The following PTCHD4 variants were observed in gnomAD, a reference collection of about 807,000 sequenced individuals.
PTCHD4 encodes the protein patched domain containing 4, also known as patched domain-containing protein 4.
A neutral mutation model predicts 58.1 loss-of-function variants in PTCHD4; 33 were observed. The ratio of observed to expected loss-of-function variants is 0.57; its 90% CI spans 0.43 to 0.76. The LOEUF (loss-of-function observed/expected upper bound fraction) is 0.76, where lower values mean the gene tolerates loss of function less well. Among genes scored for constraint, PTCHD4 ranks in the 30% least tolerant of loss-of-function variants. The pLI is 0.00. For missense variants in PTCHD4, 1,058 were observed against 1,027.1 expected (o/e 1.03, Z -0.41); for synonymous variants, 478 against 409.6 (o/e 1.17, Z -2.02).
At chr6:48,094,301 G>A (rs760813949) in intron 1 of PTCHD4, among the ~76,000 whole-genome samples, 2 of 152,156 alleles carry the variant, frequency 1.3e-5, no homozygotes, top group African/African-American at 4.8e-5. Context: ...ATAATGCGAG[G>A]AAATGAAGAT....
rs1763408503 is a variant in PTCHD4 at position 47,860,795 on chromosome 6, T to C, written c.*17508A>G. Among the ~76,000 whole-genome samples the C allele has an allele frequency of 6.6e-6, 1 of 152,026 alleles. No homozygotes were observed. Among genetic ancestry groups the C allele is most frequent in the Admixed American group, 6.6e-5 (1 of 15,246 alleles). ...CACTCATTGCTTGGGATTTATCTACTTAAGCAAAGCAATTAGGTTACAAAT... is the reference window on the plus strand; with the variant it reads ...CACTCATTGCTTGGGATTTATCTACCTAAGCAAAGCAATTAGGTTACAAAT... On this transcript the variant is annotated 3_prime_UTR_variant, in exon 5 of 5. Coordinates refer to ENST00000339488, the MANE Select transcript of PTCHD4 (RefSeq NM_001384253.1).
chr6:47,966,172 A>G (rs961488273), intron 4 of PTCHD4, among the ~76,000 whole-genome samples: 3 of 152,204 alleles, frequency 2.0e-5, no homozygotes, highest in African/African-American at 7.2e-5. Context: ...TTGGTCATAC[A>G]GGCATACTTT....
At chr6:47,968,358 C>A (rs951258470) in intron 4 of PTCHD4, among the ~76,000 whole-genome samples, 3 of 152,066 alleles carry the variant, frequency 2.0e-5, no homozygotes, top group Non-Finnish European at 4.4e-5. Flanking sequence ...CAAATCACCA[C>A]AACAGATATA....
At chr6:47,948,824 T>C (rs1766514551) in intron 4 of PTCHD4, among the ~76,000 whole-genome samples, 1 of 152,180 alleles carries the variant, frequency 6.6e-6, no homozygotes, top group Non-Finnish European at 1.5e-5. Flanking sequence ...TGCTTAGTCC[T>C]AGAACTTTAT....
At chr6:48,100,277 G>A (rs552052592) in intron 1 of PTCHD4, among the ~76,000 whole-genome samples, 5 of 152,258 alleles carry the variant, frequency 3.3e-5, no homozygotes, top group African/African-American at 7.2e-5. Flanking sequence ...TTTAATGTAA[G>A]TCACTAAGAT....
At chr6:47,893,213 G>A (rs1764433067) in intron 4 of PTCHD4, among the ~76,000 whole-genome samples, 2 of 152,074 alleles carry the variant, frequency 1.3e-5, no homozygotes, top group African/African-American at 4.8e-5. Context: ...GTTTCACCAT[G>A]TTGACCAGGA....
intron 4 of PTCHD4, among the ~76,000 whole-genome samples, chr6:47,920,823 C>G (rs758095894): frequency 6.6e-6 from 1 of 152,076 alleles, no homozygotes; most frequent in Non-Finnish European, 1.5e-5. Flanking sequence ...AGAATGATGG[C>G]TGCCACCCAA....
At chr6:48,031,638 G>A (rs747682235) in intron 3 of PTCHD4, among the ~76,000 whole-genome samples, 6 of 152,024 alleles carry the variant, frequency 3.9e-5, no homozygotes, top group South Asian at 4.1e-4. Context: ...AAACACATTC[G>A]GGAAAATTCA....
At position 47,969,412 on chromosome 6, in the gene PTCHD4, C is replaced by T. The variant is rs113119872; in HGVS notation, c.898+39222G>A. Among the ~76,000 whole-genome samples, 1,294 of 152,298 alleles carry T rather than the reference C, an allele frequency of 8.5e-3. 13 individuals carry two copies. The highest frequency in any genetic ancestry group is 0.034 in the South Asian group (162 of 4,830). On this transcript the variant is annotated intron_variant, in intron 4 of 4. Transcript: ENST00000339488. The stretch of plus-strand genomic sequence containing the variant: ...TTTAATATCTAACACCAGCAGGCAT[C>T]GCCTGAGAAAATCTGAAAAATTATT...
At chr6:47,959,560 C>T (rs189813849) in intron 4 of PTCHD4, among the ~76,000 whole-genome samples, 16 of 152,040 alleles carry the variant, frequency 1.1e-4, no homozygotes, top group Non-Finnish European at 1.6e-4. Context: ...AACCCATAGA[C>T]GCAAGAAACT....
chr6:47,937,339 T>C (rs1766041494), intron 4 of PTCHD4, among the ~76,000 whole-genome samples: 1 of 151,988 alleles, frequency 6.6e-6, no homozygotes, highest in Admixed American at 6.6e-5. Flanking sequence ...ACAATGGAGA[T>C]GGTAAGAAGG....
intron 4 of PTCHD4, among the ~76,000 whole-genome samples, chr6:47,929,176 GA>G (rs945135710): frequency 4.6e-4 from 70 of 151,466 alleles, no homozygotes; most frequent in Non-Finnish European, 2.5e-4. Context: ...AGTATAAAAT[GA>G]AAAAAAATTG....
chr6:48,006,924 A>G (rs1035599426), intron 4 of PTCHD4, among the ~76,000 whole-genome samples: 2 of 152,188 alleles, frequency 1.3e-5, no homozygotes, highest in Admixed American at 6.5e-5. Context: ...CCCATTTTAT[A>G]TGAGAAAAAA....
At chr6:47,885,406 T>C (rs2114111039) in intron 4 of PTCHD4, among the ~76,000 whole-genome samples, 1 of 152,304 alleles carries the variant, frequency 6.6e-6, no homozygotes, top group South Asian at 2.1e-4. Context: ...ATGCCCCCAT[T>C]TAACAATGAT....
At chr6:48,046,913 A>G (rs1170423850) in intron 3 of PTCHD4, among the ~76,000 whole-genome samples, 1 of 151,750 alleles carries the variant, frequency 6.6e-6, no homozygotes, top group Non-Finnish European at 1.5e-5. Flanking sequence ...TAACTTCTAA[A>G]TGTTTTCTGA....
intron 3 of PTCHD4, among the ~76,000 whole-genome samples, chr6:48,037,491 G>T (rs1763682104): frequency 6.6e-6 from 1 of 152,120 alleles, no homozygotes; most frequent in South Asian, 2.1e-4. Context: ...CCTTTTATTA[G>T]AAAGGAAGTA....
At position 47,871,445 on chromosome 6, in the gene PTCHD4, T is replaced by C. The variant is rs2114078971; in HGVS notation, c.*6858A>G. On this transcript the variant is annotated 3_prime_UTR_variant, in exon 5 of 5. Coordinates refer to ENST00000339488, the MANE Select transcript of PTCHD4 (RefSeq NM_001384253.1). Reference sequence around the variant, plus strand: ...TATTTGTGCATCTTACTGGGTAGACTGCTGCCTCTAATCAAAGTCAGATTA... The same window carrying C: ...TATTTGTGCATCTTACTGGGTAGACCGCTGCCTCTAATCAAAGTCAGATTA... Among the ~76,000 whole-genome samples the C allele has an allele frequency of 6.6e-6, 1 of 151,762 alleles. No individual in the cohort carries two copies. The highest frequency in any genetic ancestry group is 1.5e-5 in the Non-Finnish European group (1 of 67,694).
At chr6:48,104,899 T>A (rs9473245) in intron 1 of PTCHD4, among the ~76,000 whole-genome samples, 23,808 of 152,090 alleles carry the variant, frequency 0.16, 1,925 homozygotes, top group African/African-American at 0.21. Context: ...CAAGAAGAAC[T>A]AACTATCCTA....
chr6:47,898,740 GAC>G (rs1764603027), intron 4 of PTCHD4, among the ~76,000 whole-genome samples: 2 of 152,186 alleles, frequency 1.3e-5, no homozygotes, highest in African/African-American at 4.8e-5. Flanking sequence ...ACTTCAGAGA[GAC>G]ACGAATCCCT....
Sources: gnomAD v4.1 joint callset for allele counts (sites outside exome capture counted in the v4.1 genomes callset) on GRCh38, gnomAD v4.1.1 for gene constraint, MANE v1.5 for transcripts, NCBI Gene and HGNC (gene_info 2026-07-23, HGNC 2026-07-21) for gene names.